Variants in KIF6 observed in about 807,000 individuals in gnomAD.
KIF6 encodes kinesin family member 6, also known as kinesin-like protein KIF6.
A neutral mutation model predicts 112.7 loss-of-function variants in KIF6; 106 were observed. The ratio of observed to expected loss-of-function variants is 0.94; its 90% confidence interval spans 0.80 to 1.11. The LOEUF (loss-of-function observed/expected upper bound fraction) is 1.11, where lower values mean the gene tolerates loss of function less well. Ranked by LOEUF, KIF6 falls within the 50% of genes least tolerant of loss-of-function variation. KIF6 has a pLI of 0.00. For missense variants in KIF6, 929 were observed against 964.0 expected (o/e 0.96, Z 0.48); for synonymous variants, 339 against 339.9 (o/e 1.00, Z 0.03).
chr6:39,545,791 C>T, intron 10 of KIF6, 103 bp from the exon 11 acceptor site: 1 of 673,898 alleles, frequency 1.5e-6, no homozygotes, highest in Non-Finnish European at 2.6e-6. Flanking sequence ...AATATTGTTC[C>T]CACCTCTTTA....
chr6:39,445,948 A>G (rs1454162034), intron 13 of KIF6, among the ~76,000 whole-genome samples: 1 of 152,218 alleles, frequency 6.6e-6, no homozygotes. Context: ...TGTTTGCCCA[A>G]GGTATTCCCA....
intron 14 of KIF6, among the ~76,000 whole-genome samples, chr6:39,420,578 GA>G (rs1770285469): frequency 6.6e-6 from 1 of 152,174 alleles, no homozygotes; most frequent in Non-Finnish European, 1.5e-5. Context: ...CTACAGGGCT[GA>G]AAATATTTTC....
At chr6:39,404,784 A>T (rs1302233454) in intron 15 of KIF6, among the ~76,000 whole-genome samples, 2 of 152,092 alleles carry the variant, frequency 1.3e-5, no homozygotes, top group Non-Finnish European at 1.5e-5. Context: ...TCCTATATTG[A>T]GTCTTTTAAT....
intron 13 of KIF6, among the ~76,000 whole-genome samples, chr6:39,479,914 T>C (rs1452262900): frequency 1.3e-5 from 2 of 152,236 alleles, no homozygotes; most frequent in Non-Finnish European, 2.9e-5. Context: ...ATCCTGAAAC[T>C]TTGCTGAATT....
intron 2 of KIF6, among the ~76,000 whole-genome samples, chr6:39,719,258 G>A (rs781108280): frequency 3.3e-5 from 5 of 152,128 alleles, no homozygotes; most frequent in Non-Finnish European, 5.9e-5. Context: ...GGCGGAAGTT[G>A]TAGTGAGCCA....
intron 13 of KIF6, among the ~76,000 whole-genome samples, chr6:39,456,556 A>G (rs1392160868): frequency 8.7e-6 from 1 of 114,626 alleles, no homozygotes; most frequent in Non-Finnish European, 1.7e-5. Flanking sequence ...AAATTCTCCA[A>G]TTAAAAGACA....
chr6:39,643,822 C>A (rs553178955), intron 3 of KIF6, among the ~76,000 whole-genome samples: 1 of 152,136 alleles, frequency 6.6e-6, no homozygotes, highest in South Asian at 2.1e-4. Flanking sequence ...AAATAAGCTG[C>A]ACTTCATCAA....
At chr6:39,426,753 CA>C (rs80246183) in intron 14 of KIF6, among the ~76,000 whole-genome samples, 3 of 150,156 alleles carry the variant, frequency 2.0e-5, no homozygotes, top group Non-Finnish European at 4.4e-5. Flanking sequence ...TCTGTCTCTT[CA>C]AAAAAAAAGT....
At chr6:39,521,641 C>T in intron 13 of KIF6, among the ~76,000 whole-genome samples, 1 of 152,090 alleles carries the variant, frequency 6.6e-6, no homozygotes, top group Admixed American at 6.5e-5. Context: ...CTTCCCAAGC[C>T]TTTCTGGGCA....
At chr6:39,510,505 T>A (rs1010662724) in intron 13 of KIF6, among the ~76,000 whole-genome samples, 1 of 152,106 alleles carries the variant, frequency 6.6e-6, no homozygotes, top group African/African-American at 2.4e-5. Context: ...CTAAGAGATT[T>A]TGTCACCACC....
At chr6:39,672,534 G>A (rs1024420444) in intron 3 of KIF6, among the ~76,000 whole-genome samples, 2 of 152,164 alleles carry the variant, frequency 1.3e-5, no homozygotes. Flanking sequence ...CTTGATTTAA[G>A]CAGTATATTA....
intron 10 of KIF6, among the ~76,000 whole-genome samples, chr6:39,551,986 AAT>A (rs1779410219): frequency 6.6e-6 from 1 of 152,242 alleles, no homozygotes; most frequent in South Asian, 2.1e-4. Context: ...GACTTTTGAA[AAT>A]ATAGAATTTT....
intron 3 of KIF6, among the ~76,000 whole-genome samples, chr6:39,693,053 C>T (rs1266840219): frequency 6.6e-6 from 1 of 152,210 alleles, no homozygotes; most frequent in Non-Finnish European, 1.5e-5. Flanking sequence ...AGTGGTCACA[C>T]ATGGAACTGG....
chr6:39,491,148 G>C (rs1775460496), intron 13 of KIF6, among the ~76,000 whole-genome samples: 2 of 152,084 alleles, frequency 1.3e-5, no homozygotes, highest in Admixed American at 1.3e-4. Context: ...CACTCTGCAG[G>C]GGTTCTGAGG....
chr6:39,700,826 C>A (rs1788838544), intron 3 of KIF6, among the ~76,000 whole-genome samples: 1 of 151,914 alleles, frequency 6.6e-6, no homozygotes, highest in Admixed American at 6.6e-5. Flanking sequence ...CATTCTCATA[C>A]CTCAACCTCC....
At chr6:39,670,482 ATATT>A (rs1481780639) in intron 3 of KIF6, among the ~76,000 whole-genome samples, 6 of 152,176 alleles carry the variant, frequency 3.9e-5, no homozygotes, top group African/African-American at 1.4e-4. Context: ...GGAAGAAAAG[ATATT>A]TATTATTTAT....
chr6:39,618,875 C>A (rs1783667185), intron 5 of KIF6, among the ~76,000 whole-genome samples: 1 of 152,154 alleles, frequency 6.6e-6, no homozygotes, highest in South Asian at 2.1e-4. Flanking sequence ...GACGGTCTAC[C>A]TTTTCAAACT....
chr6:39,379,461 C>T (rs1359280288), intron 16 of KIF6, among the ~76,000 whole-genome samples: 1 of 152,212 alleles, frequency 6.6e-6, no homozygotes, highest in African/African-American at 2.4e-5. Flanking sequence ...CTGCACCCAC[C>T]TTTCCTGGAG....
chr6:39,468,081 A>T (rs986791024), intron 13 of KIF6, among the ~76,000 whole-genome samples: 8 of 152,172 alleles, frequency 5.3e-5, no homozygotes, highest in African/African-American at 1.4e-4. Flanking sequence ...AAAATGAAAG[A>T]TTCACTATAG....
Sources: allele counts gnomAD v4.1 joint callset (sites outside exome capture counted in the v4.1 genomes callset), GRCh38; gene constraint gnomAD v4.1.1; transcripts MANE v1.5; gene names NCBI Gene and HGNC (gene_info 2026-07-23, HGNC 2026-07-21).